Variants in TSC2 observed in about 807,000 individuals in gnomAD.
The protein encoded by TSC2 is TSC complex subunit 2, also known as tuberin.
In TSC2, 29 loss-of-function variants were observed where a neutral mutation model predicts 202.2. The observed-to-expected ratio is 0.14, with a 90% CI of 0.11 to 0.20. The LOEUF (loss-of-function observed/expected upper bound fraction) is 0.20. Among genes scored for constraint, TSC2 ranks in the 10% least tolerant of loss-of-function variants. The pLI is 1.00. For synonymous variants in TSC2, 1,349 were observed against 1,044.0 expected, an observed-to-expected ratio of 1.29 and a Z score of -5.63; for missense variants, 2,429 against 2,420.0, an observed-to-expected ratio of 1.00 and a Z score of -0.08.
chr16:2,077,319 C>G, intron 25 of TSC2: 1 of 471,422 alleles, frequency 2.1e-6, no homozygotes, highest in Non-Finnish European at 3.9e-6. Context: ...GACCCACACA[C>G]GTTTAATTTG....
intron 14 of TSC2, chr16:2,063,390 G>T (rs1006330741): frequency 1.7e-5 from 8 of 469,070 alleles, no homozygotes; most frequent in Non-Finnish European, 3.1e-5. Flanking sequence ...ATTGTCTTCC[G>T]TTTCAGTCCT....
At chr16:2,085,085 G>A (rs2090599064) in intron 35 of TSC2, 59 bp downstream of exon 35, 1 of 1,608,378 alleles carries the variant, frequency 6.2e-7, no homozygotes, top group Non-Finnish European at 8.5e-7. Context: ...GTGAATGGTG[G>A]GGGGCCCAGC....
chr16:2,053,236 G>A lies in TSC2; in HGVS notation c.226-106G>A, dbSNP rs968447005. ...TTGGAGGTGGGGCTCTCAGTCACAA[G>A]CCCCCGTTGTTCCTCCCTGTCCTCC... On this transcript the variant is annotated intron_variant, in intron 3 of 41. Coordinates refer to ENST00000219476, the MANE Select transcript of TSC2 (RefSeq NM_000548.5). 2.3e-5 allele frequency: 26 copies of A among 1,123,726 alleles called. No individual in the cohort carries two copies. In the African/African-American group the frequency reaches 3.7e-4, roughly 16 times the overall value. The allele number at this position is 1,123,726 out of a possible 1,614,324, so 69.6% of individuals were successfully genotyped here.
intron 26 of TSC2, 31 bp downstream of exon 26, chr16:2,077,757 C>T (rs764286150): frequency 2.5e-6 from 4 of 1,609,482 alleles, no homozygotes; most frequent in Non-Finnish European, 3.4e-6. Context: ...GGGGCACGGA[C>T]CCTGGAGCTT....
rs2151525029 is a variant in TSC2 at position 2,084,374 on chromosome 16, G to A, written c.4152G>A (p.Lys1384=). ...TCCAGCCCTCGCAGCCCCTGAGCAA[G>A]TCCAGCTCCTCTCCCGAGCTGCAGA... ...LSFQPSQPLS[K]SSSSPELQTL... is the part of the protein sequence containing the mutation. Residue 1384 remains lysine, a synonymous_variant, in exon 34 of 42, where the codon AAG becomes AAA. Transcript: ENST00000219476. 1 of 1,612,552 alleles carries A rather than the reference G, an allele frequency of 6.2e-7. No homozygotes were observed. The highest frequency in any genetic ancestry group is 8.5e-7 in the Non-Finnish European group (1 of 1,179,954).
In TSC2 at chr16:2,083,718, G is replaced by A. The variant is rs1422874936; in HGVS notation, c.3907G>A (p.Gly1303Arg). The A allele has an allele frequency of 1.3e-6, 2 of 1,594,162 alleles. No homozygotes were observed. The highest frequency in any genetic ancestry group is 1.7e-6 in the Non-Finnish European group (2 of 1,171,634). The change falls in exon 33 of 42, where the codon GGA (glycine) becomes AGA (arginine). Residue 1303 changes from glycine (G) to arginine (R), a missense_variant. Coordinates refer to ENST00000219476, the MANE Select transcript of TSC2 (RefSeq NM_000548.5). ...WADSAVVMEEGSPGEVPVLVE... is the reference protein window; with the variant it reads ...WADSAVVMEERSPGEVPVLVE... ...AGACTCCGCCGTGGTCATGGAGGAG[G>A]GAAGTCCGGGCGAGGTTCCTGTGCT...
intron 31 of TSC2, 63 bp from the exon 32 acceptor site, chr16:2,082,373 C>G: frequency 4.4e-6 from 7 of 1,585,196 alleles, no homozygotes; most frequent in Non-Finnish European, 6.1e-6. Flanking sequence ...CCTGTGCTCT[C>G]TGCTCGACCT....
At chr16:2,048,402 C>A in intron 1 of TSC2, 185 bp from the exon 2 acceptor site, 1 of 870,104 alleles carries the variant, frequency 1.1e-6, no homozygotes, top group South Asian at 1.4e-5. Context: ...CCTGGTGTCT[C>A]CCGGGCTTTC....
rs762372483 is a variant in TSC2 at position 2,086,225 on chromosome 16, G to A, written c.4695G>A (p.Glu1565=). 6.2e-7 allele frequency: 1 copy of A among 1,612,712 alleles called. No individual in the cohort carries two copies. The highest frequency in any genetic ancestry group is 1.7e-5 in the Admixed American group (1 of 60,014). ...GCGAGCTCGCCATCCTGTCCAATGAGCATGGCTCCTACAGGTACACGGAGT... is the reference window on the plus strand; with the variant it reads ...GCGAGCTCGCCATCCTGTCCAATGAACATGGCTCCTACAGGTACACGGAGT... The part of the protein sequence containing the change: ...SNSELAILSN[E]HGSYRYTEFL... The change falls in exon 37 of 42, where the codon GAG becomes GAA. Residue 1565 remains glutamate, a synonymous_variant. Transcript: ENST00000219476.
Position 2,088,891 on chromosome 16 carries a change from A to ACACACC in TSC2, c.*286_*287insCCACAC. 2.2e-6 allele frequency: 1 copy of ACACACC among 446,972 alleles called. No individual in the cohort carries two copies. The highest frequency in any genetic ancestry group is 4.0e-6 in the Non-Finnish European group (1 of 247,650). The allele number at this position is 446,972 out of a possible 1,614,324, so 27.7% of individuals were successfully genotyped here. A position where few individuals can be genotyped will look rare whatever the true frequency, so the allele number is the denominator to read the frequency against. ...CGCGCGTGCGCGCGCGCACACACAC[A>ACACACC]CACACACAGTCACCTTCCTCCACCC... On this transcript the variant is annotated 3_prime_UTR_variant, in exon 42 of 42. Coordinates refer to ENST00000219476, the MANE Select transcript of TSC2 (RefSeq NM_000548.5).
chr16:2,057,018 G>A, intron 8 of TSC2, 87 bp from the exon 9 acceptor site: 2 of 1,515,592 alleles, frequency 1.3e-6, no homozygotes, highest in Non-Finnish European at 1.8e-6. Context: ...TGGCTATAGG[G>A]CAGCAGCCAG....
At chr16:2,051,547 C>A (rs962916394) in intron 3 of TSC2, among the ~76,000 whole-genome samples, 2 of 152,144 alleles carry the variant, frequency 1.3e-5, no homozygotes, top group African/African-American at 2.4e-5. Flanking sequence ...GCCAGACTTT[C>A]CTGATGACTT....
chr16:2,088,900 G>C lies in TSC2; in HGVS notation c.*290G>C, dbSNP rs956161943. 24 of 364,974 alleles carry C rather than the reference G, an allele frequency of 6.6e-5. No homozygotes were observed. The highest frequency in any genetic ancestry group is 8.2e-4 in the Middle Eastern group (1 of 1,226). The allele number at this position is 364,974 out of a possible 1,614,324, so 22.6% of individuals were successfully genotyped here. On this transcript the variant is annotated 3_prime_UTR_variant, in exon 42 of 42. Coordinates refer to ENST00000219476, the MANE Select transcript of TSC2 (RefSeq NM_000548.5). Reference sequence around the variant, plus strand: ...GCGCGCGCACACACACACACACACAGTCACCTTCCTCCACCCTGGGAGCCA... The same window carrying C: ...GCGCGCGCACACACACACACACACACTCACCTTCCTCCACCCTGGGAGCCA...
intron 25 of TSC2, 117 bp from the exon 26 acceptor site, chr16:2,077,479 ATC>A: frequency 1.4e-6 from 2 of 1,480,764 alleles, no homozygotes; most frequent in East Asian, 2.3e-5. Flanking sequence ...CACCCGCGGG[ATC>A]TCTCCATCCT....
chr16:2,078,593 G>A (rs961377137), intron 26 of TSC2: 4 of 244,428 alleles, frequency 1.6e-5, no homozygotes, highest in Admixed American at 5.2e-5. Flanking sequence ...TCAGGCAGCC[G>A]CTCGCCTGCC....
At chr16:2,083,590 G>C (rs1404154267) in intron 32 of TSC2, 105 bp from the exon 33 acceptor site, 5 of 1,533,072 alleles carry the variant, frequency 3.3e-6, no homozygotes, top group Middle Eastern at 1.7e-4. Context: ...GAGGCTCGCA[G>C]GGCTGCTGTC....
rs1060504106 is a variant in TSC2, at chr16:2,084,416, C to T, written c.4194C>T (p.Leu1398=). 1.2e-5 allele frequency: 19 copies of T among 1,611,354 alleles called. No homozygotes were observed. The highest frequency in any genetic ancestry group is 2.2e-5 in the East Asian group (1 of 44,818). Reference sequence around the variant, plus strand: ...AGCTGCAGACTCTGCAGGACATCCTCGGGGACCCTGGGGACAAGGCCGACG... The same window carrying T: ...AGCTGCAGACTCTGCAGGACATCCTTGGGGACCCTGGGGACAAGGCCGACG... The part of the protein sequence containing the change: ...SPELQTLQDI[L]GDPGDKADVG... The change falls in exon 34 of 42, where the codon CTC becomes CTT. Residue 1398 remains leucine (L), a synonymous_variant. Coordinates refer to ENST00000219476, the MANE Select transcript of TSC2 (RefSeq NM_000548.5).
chr16:2,064,318 C>A lies in TSC2; in HGVS notation c.1490C>A (p.Pro497His), dbSNP rs1484576810. The A allele has an allele frequency of 1.9e-6, 3 of 1,613,752 alleles. No individual in the cohort carries two copies. The highest frequency in any genetic ancestry group is 2.5e-6 in the Non-Finnish European group (3 of 1,180,036). Residue 497 changes from proline to histidine, a missense_variant, in exon 15 of 42, where the codon CCC becomes CAC. By Grantham distance (77) the Pro-to-His change is moderately conservative. Transcript: ENST00000219476. ...SVVISQLSHIPEDKDHQVRKL... is the reference protein window; with the variant it reads ...SVVISQLSHIHEDKDHQVRKL... Reference sequence around the variant, plus strand: ...GTCATCTCGCAGCTCTCCCACATCCCCGAGGATAAAGACCACCAGGTCCGA... The same window carrying A: ...GTCATCTCGCAGCTCTCCCACATCCACGAGGATAAAGACCACCAGGTCCGA...
In TSC2 at chr16:2,065,594, G is replaced by A. The variant is rs1555503254; in HGVS notation, c.1675G>A (p.Asp559Asn). ...GGCCGCATACTCGGCCTCCTTGGAG[G>A]ATGTGAAGACAGCCGTCCTGGGGCT... The part of the protein sequence containing the change: ...DVAAYSASLE[D>N]VKTAVLGLLV... Residue 559 changes from aspartate (D) to asparagine (N), a missense_variant, in exon 16 of 42, where the codon GAT becomes AAT. Coordinates refer to ENST00000219476, the MANE Select transcript of TSC2 (RefSeq NM_000548.5). 6.2e-7 allele frequency: 1 copy of A among 1,613,866 alleles called. No homozygotes were observed. The highest frequency in any genetic ancestry group is 8.5e-7 in the Non-Finnish European group (1 of 1,180,012).
Sources: allele counts gnomAD v4.1 joint callset (sites outside exome capture counted in the v4.1 genomes callset), GRCh38; gene constraint gnomAD v4.1.1; transcripts MANE v1.5; gene names NCBI Gene and HGNC (gene_info 2026-07-23, HGNC 2026-07-21).